The following EPHB1 variants were observed in gnomAD, a reference collection of about 807,000 sequenced individuals.
EPHB1 encodes EPH receptor B1, also known as ephrin type-B receptor 1.
A neutral mutation model predicts 94.4 loss-of-function variants in EPHB1; 30 were observed. That is an observed-to-expected ratio of 0.32 (90% CI 0.24 to 0.43). The LOEUF is 0.43. Among genes scored for constraint, EPHB1 ranks in the 20% least tolerant of loss-of-function variants. EPHB1 has a pLI of 1.00. For synonymous variants in EPHB1, 522 were observed against 489.1 expected (o/e 1.07, Z -0.89); for missense variants, 1,055 against 1,308.3 (o/e 0.81, Z 2.99).
At chr3:134,830,790 C>G (rs556633459) in intron 1 of EPHB1, among the ~76,000 whole-genome samples, 2 of 152,210 alleles carry the variant, frequency 1.3e-5, no homozygotes, top group Non-Finnish European at 2.9e-5. Context: ...GCCCTCCCAG[C>G]TAGTGTCTGG....
intron 7 of EPHB1, among the ~76,000 whole-genome samples, chr3:135,162,957 A>C (rs1250424342): frequency 2.6e-5 from 4 of 152,108 alleles, no homozygotes; most frequent in Non-Finnish European, 5.9e-5. Flanking sequence ...CTGCCTACCT[A>C]CCTATATATC....
intron 2 of EPHB1, among the ~76,000 whole-genome samples, chr3:134,928,142 C>T (rs527859392): frequency 5.8e-4 from 89 of 152,346 alleles, no homozygotes; most frequent in South Asian, 1.0e-3. Flanking sequence ...ACCCCTTTTC[C>T]TTTCCCCACG....
At chr3:134,887,610 T>C (rs190291245) in intron 1 of EPHB1, among the ~76,000 whole-genome samples, 1 of 152,334 alleles carries the variant, frequency 6.6e-6, no homozygotes, top group Admixed American at 6.5e-5. Context: ...ACTCAAAGGA[T>C]ACCAAAACAC....
intron 1 of EPHB1, among the ~76,000 whole-genome samples, chr3:134,806,223 T>C (rs2036040768): frequency 6.6e-6 from 1 of 152,206 alleles, no homozygotes; most frequent in African/African-American, 2.4e-5. Flanking sequence ...ATGAATGGAA[T>C]ATGGCAGAAG....
intron 3 of EPHB1, among the ~76,000 whole-genome samples, chr3:135,021,182 G>C (rs1935976209): frequency 6.6e-6 from 1 of 152,060 alleles, no homozygotes; most frequent in Non-Finnish European, 1.5e-5. Flanking sequence ...GAAGATCTTA[G>C]AATTATTTTG....
chr3:135,213,315 A>C (rs1327124465), intron 12 of EPHB1, among the ~76,000 whole-genome samples: 1 of 152,230 alleles, frequency 6.6e-6, no homozygotes, highest in Non-Finnish European at 1.5e-5. Flanking sequence ...ACTGCTACTA[A>C]TATTCCTGCT....
chr3:134,841,458 G>A (rs2036775972), intron 1 of EPHB1: 1 of 152,228 alleles, frequency 6.6e-6, no homozygotes, highest in Admixed American at 6.5e-5. Context: ...GCTGAGCTCA[G>A]GTATTTTGCT....
At chr3:134,968,824 G>A (rs1461311072) in intron 3 of EPHB1, among the ~76,000 whole-genome samples, 1 of 152,138 alleles carries the variant, frequency 6.6e-6, no homozygotes, top group African/African-American at 2.4e-5. Flanking sequence ...AACCTTTTGA[G>A]ACTGGCTTCT....
intron 1 of EPHB1, among the ~76,000 whole-genome samples, chr3:134,921,583 C>T (rs1311449738): frequency 2.0e-4 from 30 of 152,180 alleles, no homozygotes; most frequent in Admixed American, 2.0e-3. Flanking sequence ...ATGTGTTATT[C>T]CCTTGGTCTT....
chr3:135,112,802 G>T (rs1002791186), intron 4 of EPHB1, among the ~76,000 whole-genome samples: 3 of 151,816 alleles, frequency 2.0e-5, no homozygotes, highest in African/African-American at 7.3e-5. Context: ...ATGGACATTT[G>T]GGTTGGTTCC....
intron 4 of EPHB1, among the ~76,000 whole-genome samples, chr3:135,128,143 C>G (rs1940278684): frequency 6.6e-6 from 1 of 152,186 alleles, no homozygotes; most frequent in South Asian, 2.1e-4. Flanking sequence ...CTGAGCCCTG[C>G]CACTGCATTC....
chr3:134,930,427 A>C (rs75938059), intron 2 of EPHB1, among the ~76,000 whole-genome samples: 4 of 152,366 alleles, frequency 2.6e-5, no homozygotes, highest in Non-Finnish European at 5.9e-5. Flanking sequence ...GGTAACAAAC[A>C]CATTTACAAA....
chr3:134,992,195 G>A (rs1934829817), intron 3 of EPHB1, among the ~76,000 whole-genome samples: 1 of 152,160 alleles, frequency 6.6e-6, no homozygotes, highest in Non-Finnish European at 1.5e-5. Flanking sequence ...TGTGATTTAT[G>A]GTGCTGGGAC....
intron 1 of EPHB1, among the ~76,000 whole-genome samples, chr3:134,809,646 T>C (rs996032185): frequency 2.0e-5 from 3 of 152,224 alleles, no homozygotes; most frequent in Admixed American, 6.5e-5. Context: ...CCCTCTTTTA[T>C]GGTGCCTGAG....
At chr3:135,121,270 G>A (rs1028915072) in intron 4 of EPHB1, among the ~76,000 whole-genome samples, 1 of 152,214 alleles carries the variant, frequency 6.6e-6, no homozygotes, top group Non-Finnish European at 1.5e-5. Context: ...ATCTCCAGAT[G>A]CAAAGCAAAT....
At chr3:135,113,858 C>A (rs1939565564) in intron 4 of EPHB1, among the ~76,000 whole-genome samples, 2 of 152,338 alleles carry the variant, frequency 1.3e-5, no homozygotes, top group Non-Finnish European at 2.9e-5. Flanking sequence ...AGGCTCCTGG[C>A]TGGCCTTTTC....
chr3:135,184,421 A>G (rs1459479296), intron 10 of EPHB1, among the ~76,000 whole-genome samples: 1 of 152,222 alleles, frequency 6.6e-6, no homozygotes, highest in Admixed American at 6.5e-5. Flanking sequence ...CAAGAAGACA[A>G]TAATAAATCA....
intron 10 of EPHB1, among the ~76,000 whole-genome samples, chr3:135,188,126 G>C (rs972537044): frequency 6.9e-6 from 1 of 143,912 alleles, no homozygotes; most frequent in African/African-American, 2.6e-5. Flanking sequence ...TTGAACGTGG[G>C]AAGTGGAGGT....
chr3:134,877,655 G>C (rs1404527568), intron 1 of EPHB1, among the ~76,000 whole-genome samples: 1 of 152,182 alleles, frequency 6.6e-6, no homozygotes, highest in African/African-American at 2.4e-5. Flanking sequence ...AAATGGTAAG[G>C]GTTCAAAGTT....
Sources: allele counts gnomAD v4.1 joint callset (sites outside exome capture counted in the v4.1 genomes callset), GRCh38; gene constraint gnomAD v4.1.1; transcripts MANE v1.5; gene names NCBI Gene and HGNC (gene_info 2026-07-23, HGNC 2026-07-21).